AGR2: variants seen among roughly 807,000 people sequenced by gnomAD.
AGR2 encodes the protein anterior gradient 2, protein disulphide isomerase family member.
Under a neutral mutation model 25.9 loss-of-function variants are expected in AGR2, and 27 were observed. That is an observed-to-expected ratio of 1.04 (90% CI 0.77 to 1.44). The LOEUF (loss-of-function observed/expected upper bound fraction) is 1.44. Among genes scored for constraint, AGR2 ranks in the 40% most tolerant of loss-of-function variants. The probability of loss-of-function intolerance (pLI) is 0.00; values close to 1 mark genes in which losing one functional copy is unlikely to be tolerated. For missense variants in AGR2, 182 were observed against 200.9 expected (o/e 0.91, Z 0.57); for synonymous variants, 78 against 72.0 (o/e 1.08, Z -0.42).
chr7:16,795,635 G>T (rs1463081947), intron 6 of AGR2, among the ~76,000 whole-genome samples: 1 of 151,998 alleles, frequency 6.6e-6, no homozygotes, highest in Non-Finnish European at 1.5e-5. Flanking sequence ...GCCATGTTTT[G>T]TATTTAACTT....
chr7:16,802,612 C>T (rs1785167393), intron 1 of AGR2, among the ~76,000 whole-genome samples: 1 of 152,070 alleles, frequency 6.6e-6, no homozygotes, highest in Admixed American at 6.5e-5. Flanking sequence ...ATTGCTTTTG[C>T]ACCATCATAA....
chr7:16,804,916 C>T lies in AGR2; in HGVS notation c.-8+19G>A, dbSNP rs183141930. On this transcript the variant is annotated intron_variant, in intron 1 of 7. Coordinates refer to ENST00000419304, the MANE Select transcript of AGR2 (RefSeq NM_006408.4). ...CACTCCAGCAAGTACCCTTCTAAAG[C>T]TGCTGTCAGGAGCCTTACCTGGATT... is the stretch of plus-strand genomic sequence containing the variant. 1 of 152,498 alleles carries T rather than the reference C, an allele frequency of 6.6e-6. No homozygotes were observed. The highest frequency in any genetic ancestry group is 1.9e-4 in the East Asian group (1 of 5,324). 9.4% of individuals were successfully genotyped at this position (152,498 alleles called of 1,614,324 possible).
chr7:16,797,555 GA>G, intron 6 of AGR2, 75 bp downstream of exon 6: 1 of 1,337,384 alleles, frequency 7.5e-7, no homozygotes, highest in Non-Finnish European at 1.1e-6. Flanking sequence ...CGTGGCAAGG[GA>G]CAGTGGGGAG....
chr7:16,794,818 T>A, intron 7 of AGR2, 118 bp downstream of exon 7: 1 of 1,557,722 alleles, frequency 6.4e-7, no homozygotes, highest in Non-Finnish European at 8.7e-7. Context: ...TCAAACTGAG[T>A]CCGAGGCGTC....
chr7:16,796,453 C>T (rs982260986), intron 6 of AGR2, among the ~76,000 whole-genome samples: 6 of 152,098 alleles, frequency 3.9e-5, no homozygotes, highest in African/African-American at 1.4e-4. Context: ...CTGCTTTGTA[C>T]ATTCAGTGTA....
chr7:16,793,391 T>C (rs184725826), intron 7 of AGR2, among the ~76,000 whole-genome samples: 2 of 152,298 alleles, frequency 1.3e-5, no homozygotes, highest in East Asian at 3.9e-4. Context: ...TTGGTAATCT[T>C]ATTGTAATTT....
At chr7:16,799,453 T>TTA in intron 5 of AGR2, 2 of 338,592 alleles carry the variant, frequency 5.9e-6, no homozygotes, top group Non-Finnish European at 5.4e-6. Flanking sequence ...GCCAGGACTA[T>TTA]AGAGGGACAG....
At chr7:16,796,884 G>A (rs1027192709) in intron 6 of AGR2, among the ~76,000 whole-genome samples, 1 of 151,992 alleles carries the variant, frequency 6.6e-6, no homozygotes, top group African/African-American at 2.4e-5. Context: ...GTGGCAGGAA[G>A]GAGCATGTGG....
Position 16,792,575 on chromosome 7 carries a change from C to T in AGR2, c.*333G>A. 1.2e-5 allele frequency: 3 copies of T among 259,768 alleles called. No homozygotes were observed. The highest frequency in any genetic ancestry group is 8.6e-5 in the East Asian group (1 of 11,642). 16.1% of individuals were successfully genotyped at this position (259,768 alleles called of 1,614,324 possible). A position where few individuals can be genotyped will look rare whatever the true frequency, so the allele number is the denominator to read the frequency against. ...GAACTAGTTTTGGTTTTGTCTTGTC[C>T]CTTCCTTGAGCATTTTGTGTGTGTT... On this transcript the variant is annotated 3_prime_UTR_variant, in exon 8 of 8. Transcript: ENST00000419304.
chr7:16,800,756 C>A (rs2115358811), intron 4 of AGR2, among the ~76,000 whole-genome samples: 1 of 152,284 alleles, frequency 6.6e-6, no homozygotes, highest in African/African-American at 2.4e-5. Context: ...ATTACTAAGA[C>A]TTTTAAGACA....
At position 16,799,053 on chromosome 7, in the gene AGR2, G is replaced by A. The variant is rs557072251; in HGVS notation, c.330+691C>T. 4.6e-5 allele frequency among the ~76,000 whole-genome samples: 7 copies of A among 152,236 alleles called. No homozygotes were observed. In the South Asian group the frequency reaches 8.3e-4, roughly 18 times the overall value. Reference sequence around the variant, plus strand: ...GAATACAAAATATGGAAAGAGAAAAGGGTCAAGTAGAGATTCATCATGTCA... The same window carrying A: ...GAATACAAAATATGGAAAGAGAAAAAGGTCAAGTAGAGATTCATCATGTCA... On this transcript the variant is annotated intron_variant, in intron 5 of 7. Transcript: ENST00000419304.
At chr7:16,796,466 CT>C (rs1288946022) in intron 6 of AGR2, among the ~76,000 whole-genome samples, 1 of 152,088 alleles carries the variant, frequency 6.6e-6, no homozygotes, top group East Asian at 1.9e-4. Context: ...TCAGTGTAAA[CT>C]TTTAATGAAT....
At chr7:16,799,494 C>T in intron 5 of AGR2, 1 of 416,524 alleles carries the variant, frequency 2.4e-6, no homozygotes, top group East Asian at 4.0e-5. Flanking sequence ...CTTCCAGCAA[C>T]AGAAAAAATT....
In AGR2 at chr7:16,792,760, G is replaced by GT. The variant is rs1784983673; in HGVS notation, c.*147dup. On this transcript the variant is annotated 3_prime_UTR_variant, in exon 8 of 8. Coordinates refer to ENST00000419304, the MANE Select transcript of AGR2 (RefSeq NM_006408.4). ...ACTTGAAACCAAATTTCTAAAACTT[G>GT]TTTTTCTTAAAAAATAGTTGTTGTA... The GT allele has an allele frequency of 5.3e-6, 4 of 759,920 alleles. No individual in the cohort carries two copies. The African/African-American group carries it at 7.1e-5, about 13-fold the overall frequency. The allele number at this position is 759,920 out of a possible 1,614,324, so 47.1% of individuals were successfully genotyped here.
chr7:16,800,472 T>C (rs1397495813), intron 4 of AGR2, among the ~76,000 whole-genome samples: 1 of 152,146 alleles, frequency 6.6e-6, no homozygotes, highest in Non-Finnish European at 1.5e-5. Flanking sequence ...ATTGGCCTGA[T>C]CATGTCAGCC....
chr7:16,801,218 G>C lies in AGR2; in HGVS notation c.204-15C>G, dbSNP rs778170448. Reference sequence around the variant, plus strand: ...AGGGTTTGTTGCTTTAAAAGACAGAGATTAGACAAATTTTAATGAGTAAGA... The same window carrying C: ...AGGGTTTGTTGCTTTAAAAGACAGACATTAGACAAATTTTAATGAGTAAGA... On this transcript the variant is annotated splice_polypyrimidine_tract_variant and intron_variant, in intron 3 of 7. Transcript: ENST00000419304. The C allele has an allele frequency of 1.8e-5, 29 of 1,613,444 alleles. No individual in the cohort carries two copies. Among genetic ancestry groups the C allele is most frequent in the Admixed American group, 3.3e-5 (2 of 59,956 alleles).
At chr7:16,793,861 G>A (rs547132061) in intron 7 of AGR2, among the ~76,000 whole-genome samples, 11 of 152,280 alleles carry the variant, frequency 7.2e-5, no homozygotes, top group Non-Finnish European at 8.8e-5. Flanking sequence ...ATGTCCACTC[G>A]ATAGGCATTG....
intron 7 of AGR2, 94 bp downstream of exon 7, chr7:16,794,842 C>T (rs1009082778): frequency 3.1e-6 from 5 of 1,590,270 alleles, no homozygotes; most frequent in African/African-American, 1.3e-5. Flanking sequence ...AAGCCTAGCT[C>T]TCTCTCACCT....
At position 16,801,784 on chromosome 7, in the gene AGR2, G is replaced by T. The variant is rs1226869936; in HGVS notation, c.13C>A (p.Pro5Thr). 1 of 1,607,750 alleles carries T rather than the reference G, an allele frequency of 6.2e-7. No homozygotes were observed. Among genetic ancestry groups the T allele is most frequent in the Non-Finnish European group, 8.5e-7 (1 of 1,176,020 alleles). Residue 5 changes from proline to threonine, a missense_variant, in exon 2 of 8, where the codon CCA becomes ACA. Transcript: ENST00000419304. ...ACAAGGAGCAAGAATGCTGACACTG[G>T]AATTTTCTCCATGGCAACTCTAGTA... MEKI[P>T]VSAFLLLVAL...
Sources: allele counts gnomAD v4.1 joint callset (sites outside exome capture counted in the v4.1 genomes callset), GRCh38; gene constraint gnomAD v4.1.1; transcripts MANE v1.5; gene names NCBI Gene and HGNC (gene_info 2026-07-23, HGNC 2026-07-21).